SGCZ: variants seen among roughly 807,000 people sequenced by gnomAD.
SGCZ encodes sarcoglycan zeta.
SGCZ carries 40 observed loss-of-function variants against 41.3 expected under a neutral mutation model. The ratio of observed to expected loss-of-function variants is 0.97; its 90% confidence interval spans 0.75 to 1.26. The LOEUF is 1.26. Among genes scored for constraint, SGCZ ranks in the 50% most tolerant of loss-of-function variants. The pLI is 0.00. For missense variants in SGCZ, 552 were observed against 369.8 expected (o/e 1.49, Z -4.04); for synonymous variants, 206 against 137.5 (o/e 1.50, Z -3.49).
intron 1 of SGCZ, among the ~76,000 whole-genome samples, chr8:15,086,372 C>T (rs1445860639): frequency 6.6e-6 from 1 of 152,164 alleles, no homozygotes; most frequent in Non-Finnish European, 1.5e-5. Flanking sequence ...ATCAGCTCCT[C>T]TTAGAGGTGA....
intron 2 of SGCZ, among the ~76,000 whole-genome samples, chr8:14,374,439 G>A (rs1034046868): frequency 1.3e-5 from 2 of 152,160 alleles, no homozygotes; most frequent in African/African-American, 4.8e-5. Context: ...AAATATGGTA[G>A]TAAGAATTTG....
At chr8:14,107,162 G>C (rs895058218) in intron 6 of SGCZ, among the ~76,000 whole-genome samples, 1 of 151,796 alleles carries the variant, frequency 6.6e-6, no homozygotes, top group African/African-American at 2.4e-5. Flanking sequence ...CTTGAGGTGA[G>C]TCGAGATAGC....
intron 1 of SGCZ, among the ~76,000 whole-genome samples, chr8:14,999,198 T>C (rs1802321680): frequency 6.6e-6 from 1 of 152,204 alleles, no homozygotes; most frequent in Non-Finnish European, 1.5e-5. Context: ...ACTTATCTAA[T>C]ACATGGGGTT....
At chr8:14,937,642 A>G (rs1800127749) in intron 1 of SGCZ, among the ~76,000 whole-genome samples, 1 of 152,150 alleles carries the variant, frequency 6.6e-6, no homozygotes, top group African/African-American at 2.4e-5. Context: ...CATTTTTATT[A>G]TGAAAATCTC....
At chr8:15,187,280 A>G (rs1439160943) in intron 1 of SGCZ, among the ~76,000 whole-genome samples, 3 of 152,096 alleles carry the variant, frequency 2.0e-5, no homozygotes, top group Non-Finnish European at 4.4e-5. Context: ...TTCTAACACA[A>G]AATGGTTATA....
At chr8:14,256,293 A>T (rs1021090122) in intron 3 of SGCZ, among the ~76,000 whole-genome samples, 2 of 152,064 alleles carry the variant, frequency 1.3e-5, no homozygotes, top group Non-Finnish European at 2.9e-5. Flanking sequence ...TGAGACATAG[A>T]TTTTTGCCAT....
chr8:14,158,626 A>C (rs1456217448), intron 5 of SGCZ, among the ~76,000 whole-genome samples: 1 of 152,222 alleles, frequency 6.6e-6, no homozygotes, highest in Non-Finnish European at 1.5e-5. Context: ...ACTTACTGTT[A>C]CTGGAGGCTA....
At chr8:14,685,544 G>C (rs983196230) in intron 1 of SGCZ, among the ~76,000 whole-genome samples, 1 of 151,932 alleles carries the variant, frequency 6.6e-6, no homozygotes. Context: ...TACTAATATT[G>C]CTATTCATTG....
chr8:14,149,937 A>G (rs1352662868), intron 5 of SGCZ, among the ~76,000 whole-genome samples: 2 of 152,136 alleles, frequency 1.3e-5, no homozygotes, highest in South Asian at 2.1e-4. Flanking sequence ...AAGACAGTCT[A>G]TCAATAAATG....
chr8:14,397,742 G>A (rs11984860), intron 2 of SGCZ, among the ~76,000 whole-genome samples: 25,753 of 151,992 alleles, frequency 0.17, 5,166 homozygotes, highest in African/African-American at 0.48. Context: ...TCCCAGTATT[G>A]CAAAAGCATA....
At chr8:14,684,257 T>C (rs1227245303) in intron 1 of SGCZ, among the ~76,000 whole-genome samples, 1 of 152,170 alleles carries the variant, frequency 6.6e-6, no homozygotes, top group Non-Finnish European at 1.5e-5. Context: ...TGGCCCAGTT[T>C]AATAATTTTT....
At chr8:14,949,016 T>C (rs1800544390) in intron 1 of SGCZ, among the ~76,000 whole-genome samples, 2 of 152,040 alleles carry the variant, frequency 1.3e-5, no homozygotes, top group Admixed American at 1.3e-4. Context: ...CCACAAAGAT[T>C]CCCCTCACAT....
At chr8:14,230,612 G>A (rs1313102512) in intron 4 of SGCZ, among the ~76,000 whole-genome samples, 2 of 151,960 alleles carry the variant, frequency 1.3e-5, no homozygotes, top group Non-Finnish European at 2.9e-5. Context: ...ATTTCCACAT[G>A]AAAATACTCT....
At chr8:14,290,377 A>G (rs945545023) in intron 3 of SGCZ, among the ~76,000 whole-genome samples, 1 of 152,124 alleles carries the variant, frequency 6.6e-6, no homozygotes, top group African/African-American at 2.4e-5. Flanking sequence ...CAGCAAGAAA[A>G]TAATGCACAG....
intron 1 of SGCZ, among the ~76,000 whole-genome samples, chr8:14,683,298 T>G (rs17120041): frequency 6.6e-6 from 1 of 151,926 alleles, no homozygotes. Flanking sequence ...CAAGAAAGTA[T>G]GACAGATGTT....
intron 1 of SGCZ, among the ~76,000 whole-genome samples, chr8:14,687,335 CCCT>C (rs1430130075): frequency 9.8e-5 from 9 of 91,488 alleles, no homozygotes; most frequent in African/African-American, 3.3e-4. Context: ...CTAAAGCTAT[CCCT>C]CCCCCCTCCC....
intron 5 of SGCZ, among the ~76,000 whole-genome samples, chr8:14,119,576 C>A (rs1802634128): frequency 1.3e-5 from 2 of 152,064 alleles, no homozygotes; most frequent in Non-Finnish European, 2.9e-5. Context: ...ATTATCCAGG[C>A]CAGAACTTCC....
intron 2 of SGCZ, among the ~76,000 whole-genome samples, chr8:14,360,180 C>CCCTG (rs1803456862): frequency 6.6e-6 from 1 of 152,072 alleles, no homozygotes. Context: ...AAACTGGAAG[C>CCCTG]CCTGCCCTTA....
chr8:14,246,779 G>A lies in SGCZ; in HGVS notation c.337-9100C>T, dbSNP rs1799108873. The stretch of plus-strand genomic sequence containing the variant: ...TAAGAAATTAGCCAGTCATAGTGGC[G>A]GGCGCCTGTAGTCCCAGCTACTCGG... On this transcript the variant is annotated intron_variant, in intron 3 of 7. Coordinates refer to ENST00000382080, the MANE Select transcript of SGCZ (RefSeq NM_139167.4). Among the ~76,000 whole-genome samples, 5 of 150,614 alleles carry A rather than the reference G, an allele frequency of 3.3e-5. 2 individuals carry two copies.
Sources: allele counts gnomAD v4.1 joint callset (sites outside exome capture counted in the v4.1 genomes callset), GRCh38; gene constraint gnomAD v4.1.1; transcripts MANE v1.5; gene names NCBI Gene and HGNC (gene_info 2026-07-23, HGNC 2026-07-21).